IQSEC1: variants seen among roughly 807,000 people sequenced by gnomAD.
IQSEC1 encodes the protein IQ motif and Sec7 domain ArfGEF 1.
A neutral mutation model predicts 91.0 loss-of-function variants in IQSEC1; 31 were observed. That is an observed-to-expected ratio of 0.34 (90% CI 0.26 to 0.46). IQSEC1 has a LOEUF of 0.46. Ranked by LOEUF, IQSEC1 falls within the 20% of genes least tolerant of loss-of-function variation. The probability of loss-of-function intolerance (pLI) is 1.00; values close to 1 mark genes in which losing one functional copy is unlikely to be tolerated. For synonymous variants in IQSEC1, 699 were observed against 662.6 expected, an observed-to-expected ratio of 1.05 and a Z score of -0.84; for missense variants, 1,388 against 1,575.6, an observed-to-expected ratio of 0.88 and a Z score of 2.02.
intron 1 of IQSEC1, among the ~76,000 whole-genome samples, chr3:13,276,080 CTTTTTTTTTTTT>C (rs796663192): frequency 0.11 from 8,367 of 79,600 alleles, 435 homozygotes; most frequent in Middle Eastern, 0.19. Context: ...CAAAAGCATT[CTTTTTTTTTTTT>C]TTTTTTTTTT....
intron 1 of IQSEC1, among the ~76,000 whole-genome samples, chr3:13,204,699 G>A (rs374940798): frequency 2.0e-5 from 3 of 152,290 alleles, no homozygotes; most frequent in Admixed American, 1.3e-4. Flanking sequence ...TGTCCTGCGC[G>A]TTCGTGCTGT....
chr3:13,232,492 G>A (rs1694854786), intron 1 of IQSEC1, among the ~76,000 whole-genome samples: 1 of 152,168 alleles, frequency 6.6e-6, no homozygotes, highest in South Asian at 2.1e-4. Context: ...AAGGCAGGGA[G>A]GTGGCAGGGA....
At chr3:12,991,344 G>T (rs949714592) in intron 1 of IQSEC1, among the ~76,000 whole-genome samples, 4 of 152,190 alleles carry the variant, frequency 2.6e-5, no homozygotes, top group African/African-American at 9.7e-5. Context: ...GGAAAGGCAG[G>T]GGGCTCCAGA....
chr3:13,090,965 C>T (rs558161094), intron 2 of IQSEC1, among the ~76,000 whole-genome samples: 15 of 152,278 alleles, frequency 9.9e-5, no homozygotes, highest in African/African-American at 3.4e-4. Flanking sequence ...GAAGACTGCA[C>T]GGAGCTGCCT....
chr3:13,098,431 A>C (rs1235284225), intron 2 of IQSEC1, among the ~76,000 whole-genome samples: 1 of 152,194 alleles, frequency 6.6e-6, no homozygotes, highest in African/African-American at 2.4e-5. Context: ...TGGGGGGATA[A>C]GTAAAGAAAG....
In IQSEC1 at chr3:13,269,284, G is replaced by A. The variant is rs540355811; in HGVS notation, c.272+13427C>T. On this transcript the variant is annotated intron_variant, in intron 1 of 15. Transcript: ENST00000648114. Reference sequence around the variant, plus strand: ...GGTGTCCTTAGTGCTCAGGGAGAAGGTGGGACTGAGAAGGCAGCGCTCTCA... The same window carrying A: ...GGTGTCCTTAGTGCTCAGGGAGAAGATGGGACTGAGAAGGCAGCGCTCTCA... Among the ~76,000 whole-genome samples, 3 of 152,352 alleles carry A rather than the reference G, an allele frequency of 2.0e-5. No homozygotes were observed. In the East Asian group the frequency reaches 5.8e-4, roughly 29 times the overall value.
chr3:13,057,706 C>A (rs914323607), intron 1 of IQSEC1, among the ~76,000 whole-genome samples: 1 of 152,220 alleles, frequency 6.6e-6, no homozygotes, highest in African/African-American at 2.4e-5. Context: ...GGGGCCCTAC[C>A]ACTGGGCACA....
intron 1 of IQSEC1, among the ~76,000 whole-genome samples, chr3:13,071,114 C>T (rs1705401608): frequency 6.6e-6 from 1 of 151,418 alleles, no homozygotes; most frequent in South Asian, 2.1e-4. Context: ...AACCTAGAAA[C>T]CAGAATGTCT....
chr3:13,030,703 C>T (rs1406629821), intron 1 of IQSEC1, among the ~76,000 whole-genome samples: 1 of 152,224 alleles, frequency 6.6e-6, no homozygotes, highest in Admixed American at 6.5e-5. Flanking sequence ...GACACGTGCA[C>T]TGTGTGGGTC....
chr3:13,107,359 C>G (rs1374393269), intron 2 of IQSEC1, among the ~76,000 whole-genome samples: 2 of 152,244 alleles, frequency 1.3e-5, no homozygotes, highest in Admixed American at 6.5e-5. Context: ...CCAACAGGAC[C>G]ATGCCCCCTG....
chr3:12,947,325 G>C (rs1280069059), intron 1 of IQSEC1, among the ~76,000 whole-genome samples: 1 of 152,200 alleles, frequency 6.6e-6, no homozygotes, highest in Non-Finnish European at 1.5e-5. Flanking sequence ...ACACCCGTCA[G>C]AGAGGTGGTA....
chr3:13,283,058 G>A (rs1307290004), exon 1 of IQSEC1, among the ~76,000 whole-genome samples: 1 of 145,006 alleles, frequency 6.9e-6, no homozygotes, highest in South Asian at 2.1e-4. Flanking sequence ...ATGGCTGCGC[G>A]GCGGGGACGG....
chr3:13,122,228 C>T (rs533010658), intron 2 of IQSEC1, among the ~76,000 whole-genome samples: 9 of 152,360 alleles, frequency 5.9e-5, no homozygotes, highest in Admixed American at 2.0e-4. Flanking sequence ...AACGGAGCCA[C>T]GTGAGTGTTC....
chr3:13,176,644 C>A (rs370067969), intron 1 of IQSEC1, among the ~76,000 whole-genome samples: 2 of 152,182 alleles, frequency 1.3e-5, no homozygotes, highest in Admixed American at 1.3e-4. Flanking sequence ...AGAGACCAGC[C>A]GGCATCTTGA....
intron 1 of IQSEC1, among the ~76,000 whole-genome samples, chr3:13,061,697 C>T (rs1705073679): frequency 6.6e-6 from 1 of 152,180 alleles, no homozygotes; most frequent in Non-Finnish European, 1.5e-5. Context: ...CCTCTGCACA[C>T]TACTGAGGCT....
At chr3:13,000,783 A>C (rs1040246612) in intron 1 of IQSEC1, among the ~76,000 whole-genome samples, 11 of 152,176 alleles carry the variant, frequency 7.2e-5, no homozygotes, top group Non-Finnish European at 1.6e-4. Flanking sequence ...CAATAAACAC[A>C]ACTTCCATGA....
At chr3:13,101,404 G>C (rs1706060780) in intron 2 of IQSEC1, among the ~76,000 whole-genome samples, 1 of 130,588 alleles carries the variant, frequency 7.7e-6, no homozygotes, top group African/African-American at 3.2e-5. Context: ...GGGAGACAGG[G>C]TGAGATTCCA....
chr3:12,900,735 C>G lies in IQSEC1; in HGVS notation c.*248G>C. 1.4e-6 allele frequency: 2 copies of G among 1,414,836 alleles called. No homozygotes were observed. The highest frequency in any genetic ancestry group is 6.0e-5 in the Admixed American group (2 of 33,142). 87.6% of individuals were successfully genotyped at this position (1,414,836 alleles called of 1,614,324 possible). A position where few individuals can be genotyped will look rare whatever the true frequency, so the allele number is the denominator to read the frequency against. The stretch of plus-strand genomic sequence containing the variant: ...CTCACCGTTTCAAGGCTGATGGTGT[C>G]TGAGGCCCACCCATCCCTCAGACTG... On this transcript the variant is annotated 3_prime_UTR_variant, in exon 14 of 14. Coordinates refer to ENST00000613206, the MANE Select transcript of IQSEC1 (RefSeq NM_001134382.3).
At chr3:12,977,545 G>T (rs528729255) in intron 1 of IQSEC1, among the ~76,000 whole-genome samples, 1 of 152,312 alleles carries the variant, frequency 6.6e-6, no homozygotes, top group South Asian at 2.1e-4. Context: ...ATCTCACCTG[G>T]ATGTCACTGG....
Sources: gnomAD v4.1 joint callset for allele counts (sites outside exome capture counted in the v4.1 genomes callset) on GRCh38, gnomAD v4.1.1 for gene constraint, MANE v1.5 for transcripts, NCBI Gene and HGNC (gene_info 2026-07-23, HGNC 2026-07-21) for gene names.